The following FUT8 variants were observed in gnomAD, a reference collection of about 807,000 sequenced individuals.
FUT8 encodes alpha-(1,6)-fucosyltransferase.
A neutral mutation model predicts 71.3 loss-of-function variants in FUT8; 29 were observed. That is an observed-to-expected ratio of 0.41 (90% CI 0.30 to 0.55). The LOEUF (loss-of-function observed/expected upper bound fraction) is 0.55. FUT8 is among the 20% of genes least tolerant of loss of function. FUT8 has a pLI of 0.34. For missense variants in FUT8, 544 were observed against 702.1 expected (o/e 0.77, Z 2.55); for synonymous variants, 254 against 239.3 (o/e 1.06, Z -0.57).
At chr14:65,677,113 T>TG (rs1362649626) in intron 7 of FUT8, among the ~76,000 whole-genome samples, 10 of 109,854 alleles carry the variant, frequency 9.1e-5, no homozygotes, top group East Asian at 5.2e-4. Flanking sequence ...GAAAGACATA[T>TG]TTGTGTGTGT....
intron 2 of FUT8, among the ~76,000 whole-genome samples, chr14:65,548,758 G>A (rs1362402709): frequency 6.6e-6 from 1 of 151,998 alleles, no homozygotes; most frequent in Non-Finnish European, 1.5e-5. Flanking sequence ...AAATTTTGCT[G>A]TGTGCAAGAT....
Position 65,742,856 on chromosome 14 carries a change from G to T in FUT8, c.*446G>T, listed in dbSNP as rs1896571816. ...TTGATTCTTATTTGATGGTGGTATT[G>T]TGACCACTGAATTCACTCCAGTCAA... On this transcript the variant is annotated 3_prime_UTR_variant, in exon 11 of 11. Transcript: ENST00000673929. 1 of 155,522 alleles carries T rather than the reference G, an allele frequency of 6.4e-6. No homozygotes were observed. The highest frequency in any genetic ancestry group is 6.3e-5 in the Admixed American group (1 of 15,924). The allele number at this position is 155,522 out of a possible 1,614,324, so 9.6% of individuals were successfully genotyped here.
chr14:65,386,664 A>G, the FUT8 span, among the ~76,000 whole-genome samples: 4 of 151,720 alleles, frequency 2.6e-5, no homozygotes, highest in African/African-American at 9.7e-5. Flanking sequence ...AATTTTATTT[A>G]TTACCTGTAT....
intron 3 of FUT8, among the ~76,000 whole-genome samples, chr14:65,586,262 T>C (rs1887374251): frequency 6.6e-6 from 1 of 152,180 alleles, no homozygotes; most frequent in South Asian, 2.1e-4. Flanking sequence ...TCTTGCTAAA[T>C]TTCTTCCTAG....
At position 65,607,627 on chromosome 14, in the gene FUT8, T is replaced by C. The variant is rs991938060; in HGVS notation, c.204-8351T>C. ...GAAAATAAGCTTATATTTGAATTAGTCTTTAATTTCTTTGTTATCCTTGTC... is the reference window on the plus strand; with the variant it reads ...GAAAATAAGCTTATATTTGAATTAGCCTTTAATTTCTTTGTTATCCTTGTC... On this transcript the variant is annotated intron_variant, in intron 3 of 10. Transcript: ENST00000673929. This position sits in a 1 kb window ranked among gnomAD's most constrained non-coding sequence, Gnocchi z 4.1. Among the ~76,000 whole-genome samples, 13 of 151,920 alleles carry C rather than the reference T, an allele frequency of 8.6e-5. No individual in the cohort carries two copies. Among genetic ancestry groups the C allele is most frequent in the African/African-American group, 3.1e-4 (13 of 41,416 alleles).
chr14:65,472,588 A>G lies in FUT8; in HGVS notation c.-228+16870A>G, dbSNP rs1031239259. 1.8e-4 allele frequency among the ~76,000 whole-genome samples: 27 copies of G among 151,958 alleles called. No individual in the cohort carries two copies. The highest frequency in any genetic ancestry group is 6.3e-4 in the African/African-American group (26 of 41,462). On this transcript the variant is annotated intron_variant, in intron 2 of 10. Coordinates refer to ENST00000673929, the MANE Select transcript of FUT8 (RefSeq NM_001371533.1). The surrounding 1 kb of genome is among the most constrained non-coding windows in gnomAD (Gnocchi z 4.4). ...TAAAAAAAAAAACAACTTTATTTTT[A>G]TAGCCTTTTTGGGTGTAGGGTCATG...
chr14:65,602,867 T>C (rs1888381943), intron 3 of FUT8, among the ~76,000 whole-genome samples: 1 of 151,982 alleles, frequency 6.6e-6, no homozygotes, highest in Non-Finnish European at 1.5e-5. Context: ...TTTGATGCGA[T>C]TGTTTTTTCC....
chr14:65,720,134 C>G (rs1449754282), intron 7 of FUT8, among the ~76,000 whole-genome samples: 1 of 150,892 alleles, frequency 6.6e-6, no homozygotes, highest in Non-Finnish European at 1.5e-5. Flanking sequence ...AGAACCCTAT[C>G]TGGTCCTCTA....
intron 1 of FUT8, among the ~76,000 whole-genome samples, chr14:65,431,483 G>T (rs528653895): frequency 8.1e-4 from 123 of 151,324 alleles, no homozygotes; most frequent in African/African-American, 2.8e-3. Context: ...CTTTTTTTTG[G>T]TATTTTTTTT....
At chr14:65,511,114 C>A (rs1419752338) in intron 2 of FUT8, among the ~76,000 whole-genome samples, 1 of 152,038 alleles carries the variant, frequency 6.6e-6, no homozygotes, top group East Asian at 1.9e-4. Context: ...TTTCCATTAT[C>A]ATTTGTTTCA....
At chr14:65,510,233 T>A (rs192814598) in intron 2 of FUT8, among the ~76,000 whole-genome samples, 3 of 152,162 alleles carry the variant, frequency 2.0e-5, no homozygotes, top group Non-Finnish European at 4.4e-5. Flanking sequence ...TATATGGTGA[T>A]TGATTTGTAT....
intron 3 of FUT8, among the ~76,000 whole-genome samples, chr14:65,597,572 G>A (rs1045536566): frequency 1.6e-4 from 25 of 151,726 alleles, no homozygotes; most frequent in Admixed American, 1.3e-3. Flanking sequence ...GCAGTGAGCC[G>A]AGATCGCACC....
chr14:65,420,777 T>C (rs1182770032), intron 1 of FUT8, among the ~76,000 whole-genome samples: 1 of 152,112 alleles, frequency 6.6e-6, no homozygotes, highest in South Asian at 2.1e-4. Context: ...CCTCAAAAAC[T>C]TAATTACTAA....
the FUT8 span, among the ~76,000 whole-genome samples, chr14:65,371,038 C>T: frequency 1.3e-5 from 2 of 152,232 alleles, no homozygotes; most frequent in East Asian, 1.9e-4. Flanking sequence ...CTCTTAGTGC[C>T]GTCTCTGGGC....
the FUT8 span, among the ~76,000 whole-genome samples, chr14:65,383,091 A>G: frequency 4.0e-5 from 6 of 151,608 alleles, no homozygotes; most frequent in African/African-American, 1.5e-4. Flanking sequence ...CCTACCACCA[A>G]CCAACGCCCC....
chr14:65,487,585 A>C (rs945135552), intron 2 of FUT8, among the ~76,000 whole-genome samples: 56 of 150,648 alleles, frequency 3.7e-4, no homozygotes, highest in Admixed American at 2.1e-3. Flanking sequence ...AAAAAAAAAA[A>C]CTCAGTTTTT....
In FUT8 at chr14:65,615,983, C is replaced by G. The variant is rs1257902484; in HGVS notation, c.209C>G (p.Pro70Arg). The G allele has an allele frequency of 1.9e-6, 3 of 1,608,898 alleles. No individual in the cohort carries two copies. Among genetic ancestry groups the G allele is most frequent in the Non-Finnish European group, 2.5e-6 (3 of 1,176,790 alleles). ...TTATCTTCCCTAAACTACAGGATACCAGAAGGCCCTATTGATCAGGGGCCA... is the reference window on the plus strand; with the variant it reads ...TTATCTTCCCTAAACTACAGGATACGAGAAGGCCCTATTGATCAGGGGCCA... ...LRRMAESLRI[P>R]EGPIDQGPAI... The change falls in exon 4 of 11, where the codon CCA becomes CGA. Residue 70 changes from proline (P) to arginine (R), a missense_variant. Pro to Arg is a moderately radical substitution (Grantham distance 103). Coordinates refer to ENST00000673929, the MANE Select transcript of FUT8 (RefSeq NM_001371533.1).
the FUT8 span, among the ~76,000 whole-genome samples, chr14:65,404,470 C>T: frequency 6.6e-6 from 1 of 151,206 alleles, no homozygotes; most frequent in Non-Finnish European, 1.5e-5. Context: ...CTGCACCCAG[C>T]GTTGTTTCTT....
intron 2 of FUT8, among the ~76,000 whole-genome samples, chr14:65,495,123 G>C (rs923730507): frequency 6.7e-6 from 1 of 148,636 alleles, no homozygotes; most frequent in Non-Finnish European, 1.5e-5. Flanking sequence ...TCTTTTTATA[G>C]GATTTAATAT....
Sources: gnomAD v4.1 joint callset for allele counts (sites outside exome capture counted in the v4.1 genomes callset) on GRCh38, gnomAD v4.1.1 for gene constraint, Gnocchi (gnomAD v3.1) non-coding constraint, MANE v1.5 for transcripts, NCBI Gene and HGNC (gene_info 2026-07-23, HGNC 2026-07-21) for gene names.